CRYBG1: variants seen among roughly 807,000 people sequenced by gnomAD.
The protein encoded by CRYBG1 is crystallin beta-gamma domain containing 1, also known as beta/gamma crystallin domain-containing protein 1.
Under a neutral mutation model 189.2 loss-of-function variants are expected in CRYBG1, and 139 were observed. The ratio of observed to expected loss-of-function variants is 0.73; its 90% CI spans 0.64 to 0.85. The LOEUF (loss-of-function observed/expected upper bound fraction) is 0.85. CRYBG1 is among the 40% of genes least tolerant of loss of function. CRYBG1 has a pLI of 0.00. For missense variants in CRYBG1, 2,611 were observed against 2,675.8 expected, an observed-to-expected ratio of 0.98 and a Z score of 0.53; for synonymous variants, 1,023 against 1,017.1, an observed-to-expected ratio of 1.01 and a Z score of -0.11.
intron 1 of CRYBG1, among the ~76,000 whole-genome samples, chr6:106,396,181 G>C (rs1770604532): frequency 6.6e-6 from 1 of 151,994 alleles, no homozygotes; most frequent in Non-Finnish European, 1.5e-5. Flanking sequence ...CTTATGCCAG[G>C]GTAATTTTTT....
Position 106,521,363 on chromosome 6 carries a change from A to C in CRYBG1, c.4155A>C (p.Ala1385=). 6.2e-7 allele frequency: 1 copy of C among 1,614,092 alleles called. No individual in the cohort carries two copies. Among genetic ancestry groups the C allele is most frequent in the Non-Finnish European group, 8.5e-7 (1 of 1,180,002 alleles). The change falls in exon 4 of 22, where the codon GCA becomes GCC. Residue 1385 remains alanine, a synonymous_variant. Transcript: ENST00000633556. ...TTAAATCAAACTTGCCAAACTGTGC[A>C]AACAGTGACACCGACTTCATGGGTC... ...SVIKSNLPNC[A]NSDTDFMGLF... is the part of the protein sequence containing the mutation.
At chr6:106,441,985 T>C (rs1202276420) in intron 1 of CRYBG1, among the ~76,000 whole-genome samples, 3 of 152,238 alleles carry the variant, frequency 2.0e-5, no homozygotes, top group African/African-American at 7.2e-5. Context: ...AGGAATGTTT[T>C]AGAGGTCTTG....
rs115133416 is a variant in CRYBG1, at chr6:106,445,221, G to A, written c.174-6473G>A. On this transcript the variant is annotated intron_variant, in intron 1 of 21. Transcript: ENST00000633556. ...AGGATGCTTTGTATTTTAAAAACTC[G>A]AATGAGCATAGCAAATTATTTTCAT... Among the ~76,000 whole-genome samples, 1,373 of 152,244 alleles carry A rather than the reference G, an allele frequency of 9.0e-3. 17 individuals are homozygous for A. Among genetic ancestry groups the A allele is most frequent in the African/African-American group, 0.031 (1,276 of 41,532 alleles).
chr6:106,376,775 T>A (rs1770171824), intron 1 of CRYBG1, among the ~76,000 whole-genome samples: 1 of 152,208 alleles, frequency 6.6e-6, no homozygotes, highest in South Asian at 2.1e-4. Flanking sequence ...GTGTGTACCA[T>A]CGGTTCTCTG....
In CRYBG1 at chr6:106,558,487, A is replaced by C. The variant is rs776887765; in HGVS notation, c.5717A>C (p.Glu1906Ala). Reference protein sequence around the residue: ...TFKSLRFIDVEFSEPTIILFE... With the variant: ...TFKSLRFIDVAFSEPTIILFE... ...AACATTGTTTTTGTTCCTCAACAGG[A>C]ATTTTCTGAACCAACAATTATTCTC... The change falls in exon 18 of 22, where the codon GAA becomes GCA. Residue 1906 changes from glutamate to alanine, a missense_variant and splice_region_variant. This residue lies in a region of CRYBG1 where 1,622 missense variants were observed against 1,735.0 expected (regional missense o/e 0.93). Coordinates refer to ENST00000633556, the MANE Select transcript of CRYBG1 (RefSeq NM_001371242.2). The C allele has an allele frequency of 3.2e-6, 5 of 1,585,940 alleles. No homozygotes were observed. The highest frequency in any genetic ancestry group is 1.8e-5 in the Admixed American group (1 of 55,904).
intron 2 of CRYBG1, among the ~76,000 whole-genome samples, chr6:106,470,282 G>A (rs1409977193): frequency 1.3e-5 from 2 of 152,182 alleles, no homozygotes; most frequent in African/African-American, 2.4e-5. Flanking sequence ...CTGTGTTCAC[G>A]CCACTGCACT....
At chr6:106,378,568 G>A (rs948350577) in intron 1 of CRYBG1, among the ~76,000 whole-genome samples, 2 of 152,218 alleles carry the variant, frequency 1.3e-5, no homozygotes, top group Admixed American at 1.3e-4. Context: ...TATTTCAGAG[G>A]AAGCACATAT....
chr6:106,437,512 C>T (rs1771481710), intron 1 of CRYBG1, among the ~76,000 whole-genome samples: 1 of 152,176 alleles, frequency 6.6e-6, no homozygotes, highest in South Asian at 2.1e-4. Flanking sequence ...TGTTTGCTCA[C>T]TGTAACCTCA....
intron 4 of CRYBG1, among the ~76,000 whole-genome samples, chr6:106,524,636 C>A (rs1043360755): frequency 6.6e-6 from 1 of 152,132 alleles, no homozygotes; most frequent in African/African-American, 2.4e-5. Flanking sequence ...ACCATAAACA[C>A]TTCTATTTAG....
chr6:106,511,823 G>T lies in CRYBG1; in HGVS notation c.706G>T (p.Glu236Ter). ...QCHENDSPQL[E>*]PLEAEGEPFP... ...CCATGAAAATGATTCACCCCAATTA[G>T]AACCTCTGGAGGCAGAGGGAGAGCC... Residue 236 changes from glutamate to a stop codon, truncating the protein, a stop_gained, in exon 3 of 22, where the codon GAA becomes TAA. Transcript: ENST00000633556. LOFTEE classifies it high-confidence loss of function. The T allele has an allele frequency of 6.6e-7, 1 of 1,521,318 alleles. No individual in the cohort carries two copies. The highest frequency in any genetic ancestry group is 1.2e-5 in the South Asian group (1 of 82,770). The allele number at this position is 1,521,318 out of a possible 1,614,324, so 94.2% of individuals were successfully genotyped here.
intron 1 of CRYBG1, among the ~76,000 whole-genome samples, chr6:106,431,449 G>A (rs777875747): frequency 2.0e-5 from 3 of 151,878 alleles, no homozygotes; most frequent in African/African-American, 7.3e-5. Context: ...TCAGCATCAC[G>A]CGATATACCT....
chr6:106,426,250 C>G (rs1384487635), intron 1 of CRYBG1, among the ~76,000 whole-genome samples: 5 of 152,114 alleles, frequency 3.3e-5, no homozygotes, highest in Admixed American at 6.5e-5. Context: ...ACCCCATGCC[C>G]TCTCACCTAC....
At chr6:106,397,949 C>T (rs1021544519) in intron 1 of CRYBG1, among the ~76,000 whole-genome samples, 1 of 152,112 alleles carries the variant, frequency 6.6e-6, no homozygotes, top group African/African-American at 2.4e-5. Context: ...TATGGCCCCA[C>T]CTTCTTTAGC....
At position 106,512,760 on chromosome 6, in the gene CRYBG1, C is replaced by T; in HGVS notation, c.1643C>T (p.Pro548Leu). Reference sequence around the variant, plus strand: ...TCCCCACCCAAGAGGGTGCCCGATCCCAGCCCAGTCACCAAGGGCACTGCG... The same window carrying T: ...TCCCCACCCAAGAGGGTGCCCGATCTCAGCCCAGTCACCAAGGGCACTGCG... ...KESPPKRVPD[P>L]SPVTKGTAAE... Residue 548 changes from proline (P) to leucine (L), a missense_variant, in exon 3 of 22, where the codon CCC becomes CTC. Around this residue, in one of 3 missense-constraint regions of CRYBG1, gnomAD observed 985 missense variants for 924.4 expected, o/e 1.07. Coordinates refer to ENST00000633556, the MANE Select transcript of CRYBG1 (RefSeq NM_001371242.2). 1 of 1,576,968 alleles carries T rather than the reference C, an allele frequency of 6.3e-7. No individual in the cohort carries two copies. The highest frequency in any genetic ancestry group is 8.6e-7 in the Non-Finnish European group (1 of 1,161,374).
At chr6:106,526,011 A>G (rs1035504383) in intron 6 of CRYBG1, among the ~76,000 whole-genome samples, 1 of 152,180 alleles carries the variant, frequency 6.6e-6, no homozygotes, top group Non-Finnish European at 1.5e-5. Flanking sequence ...TTCTGAAATC[A>G]TTTTATCAGC....
chr6:106,561,325 G>A lies in CRYBG1; in HGVS notation c.5980-17G>A. On this transcript the variant is annotated splice_polypyrimidine_tract_variant and intron_variant, in intron 19 of 21. Transcript: ENST00000633556. ...AGCACATCTGGTATAACAACTGCTG[G>A]GGGTTTTGTCTTCTAGAAGCGAATT... 1 of 1,612,158 alleles carries A rather than the reference G, an allele frequency of 6.2e-7. No homozygotes were observed. Among genetic ancestry groups the A allele is most frequent in the Non-Finnish European group, 8.5e-7 (1 of 1,179,074 alleles).
rs1174047173 is a variant in CRYBG1 at position 106,569,894 on chromosome 6, G to C, written c.*1328G>C. ...GATGACCAGCAATTAATTATCCCCA[G>C]AAAGTGAAGGAAAAGAGACCTTTAG... is the stretch of plus-strand genomic sequence containing the variant. On this transcript the variant is annotated 3_prime_UTR_variant, in exon 22 of 22. Transcript: ENST00000633556. The C allele has an allele frequency of 2.0e-5, 3 of 152,134 alleles. No homozygotes were observed. Among genetic ancestry groups the C allele is most frequent in the Non-Finnish European group, 4.4e-5 (3 of 68,028 alleles). 9.4% of individuals were successfully genotyped at this position (152,134 alleles called of 1,614,324 possible).
chr6:106,379,001 G>A (rs1770232935), intron 1 of CRYBG1, among the ~76,000 whole-genome samples: 1 of 151,924 alleles, frequency 6.6e-6, no homozygotes, highest in Non-Finnish European at 1.5e-5. Flanking sequence ...ACAAAAAATA[G>A]CCAGGCTTGG....
At chr6:106,538,611 G>T (rs962334406) in intron 8 of CRYBG1, among the ~76,000 whole-genome samples, 1 of 152,126 alleles carries the variant, frequency 6.6e-6, no homozygotes, top group Non-Finnish European at 1.5e-5. Context: ...AATGATTAGG[G>T]CTGGGCATGG....
Sources: gnomAD v4.1 joint callset for allele counts (sites outside exome capture counted in the v4.1 genomes callset) on GRCh38, gnomAD v4.1.1 for gene constraint, gnomAD v4.1.1 regional missense constraint, MANE v1.5 for transcripts, NCBI Gene and HGNC (gene_info 2026-07-23, HGNC 2026-07-21) for gene names.